The following MICAL2 variants were observed in gnomAD, a reference collection of about 807,000 sequenced individuals.
MICAL2 encodes the protein [F-actin]-monooxygenase MICAL2.
Under a neutral mutation model 127.3 loss-of-function variants are expected in MICAL2, and 77 were observed. The observed-to-expected ratio is 0.60, with a 90% CI of 0.50 to 0.73. The LOEUF is 0.73. Ranked by LOEUF, MICAL2 falls within the 30% of genes least tolerant of loss-of-function variation. MICAL2 has a pLI of 0.00. For missense variants in MICAL2, 1,351 were observed against 1,434.4 expected, an observed-to-expected ratio of 0.94 and a Z score of 0.94; for synonymous variants, 570 against 551.1, an observed-to-expected ratio of 1.03 and a Z score of -0.48.
At chr11:12,124,578 C>T (rs564712848) in intron 1 of MICAL2, among the ~76,000 whole-genome samples, 26 of 152,212 alleles carry the variant, frequency 1.7e-4, no homozygotes, top group Non-Finnish European at 2.2e-4. Context: ...CATCTGTGAA[C>T]GTTTTCCGTG....
rs71313462 is a variant in MICAL2 at position 12,175,585 on chromosome 11, C to CTG, written c.264+13184_264+13185dup. On this transcript the variant is annotated intron_variant, in intron 3 of 27. Transcript: ENST00000683283. ...GACAATAAACAAATGTGTGGGGAGTCTGTGTGTGTGTGTGTGTGTATGTCA... is the reference window on the plus strand; with the variant it reads ...GACAATAAACAAATGTGTGGGGAGTCTGTGTGTGTGTGTGTGTGTGTATGTCA... 6.2e-3 allele frequency among the ~76,000 whole-genome samples: 928 copies of CTG among 149,876 alleles called. 7 individuals carry two copies. The highest frequency in any genetic ancestry group is 0.018 in the African/African-American group (718 of 40,828).
chr11:12,196,963 A>G (rs747880084), intron 3 of MICAL2, among the ~76,000 whole-genome samples: 38 of 152,106 alleles, frequency 2.5e-4, no homozygotes, highest in Non-Finnish European at 2.4e-4. Context: ...TTCATGGTCT[A>G]TCTCCTGGAG....
At chr11:12,169,119 C>T (rs1855928324) in intron 3 of MICAL2, among the ~76,000 whole-genome samples, 2 of 151,964 alleles carry the variant, frequency 1.3e-5, no homozygotes, top group African/African-American at 4.8e-5. Context: ...GAGGCAAGTA[C>T]TCTCCCATTT....
chr11:12,163,551 A>G (rs964393346), intron 3 of MICAL2: 3 of 152,426 alleles, frequency 2.0e-5, no homozygotes, highest in Admixed American at 6.5e-5. Flanking sequence ...CCTGGGGCAC[A>G]CTGACACTGC....
chr11:12,356,238 C>A (rs572393017), intron 34 of MICAL2, among the ~76,000 whole-genome samples: 1 of 152,302 alleles, frequency 6.6e-6, no homozygotes, highest in South Asian at 2.1e-4. Context: ...TGTACCTGAG[C>A]TCATCTTCTG....
At chr11:12,199,106 G>T (rs7131656) in intron 3 of MICAL2, among the ~76,000 whole-genome samples, 44,937 of 152,114 alleles carry the variant, frequency 0.3, 8,171 homozygotes, top group Non-Finnish European at 0.41. Context: ...CAGCTTATTT[G>T]TTATGTGACT....
chr11:12,252,956 C>A (rs959445824), intron 22 of MICAL2: 1 of 152,186 alleles, frequency 6.6e-6, no homozygotes, highest in African/African-American at 2.4e-5. Context: ...CTGGGGAGGA[C>A]CTAGAGCTTC....
At chr11:12,139,760 A>G (rs930819589) in intron 2 of MICAL2, among the ~76,000 whole-genome samples, 3 of 152,224 alleles carry the variant, frequency 2.0e-5, no homozygotes, top group Admixed American at 6.5e-5. Flanking sequence ...TTGTCCACAG[A>G]GGAGGGTCAG....
At chr11:12,232,340 A>T (rs1228715462) in intron 15 of MICAL2, among the ~76,000 whole-genome samples, 2 of 152,204 alleles carry the variant, frequency 1.3e-5, no homozygotes, top group East Asian at 3.9e-4. Flanking sequence ...CAGTTTTTAG[A>T]TGAGGAAACT....
intron 1 of MICAL2, among the ~76,000 whole-genome samples, chr11:12,128,593 C>A (rs1198496289): frequency 1.3e-5 from 2 of 152,218 alleles, no homozygotes; most frequent in East Asian, 3.8e-4. Context: ...ATTTCCAGGA[C>A]AGATCGGGGC....
chr11:12,143,538 C>T (rs559792594), intron 2 of MICAL2, among the ~76,000 whole-genome samples: 25 of 152,042 alleles, frequency 1.6e-4, no homozygotes, highest in Admixed American at 5.9e-4. Context: ...AGTTTGTGTC[C>T]GTTTTCTGCA....
At position 12,228,460 on chromosome 11, in the gene MICAL2, G is replaced by A. The variant is rs116424733; in HGVS notation, c.1995+1329G>A. 6.2e-3 allele frequency among the ~76,000 whole-genome samples: 940 copies of A among 152,280 alleles called. 4 individuals are homozygous for A. Among genetic ancestry groups the A allele is most frequent in the African/African-American group, 0.022 (896 of 41,546 alleles). ...CACTAATTAATCAACTCATTGAAAG[G>A]CATTTGTTGTGTATCCAGTTATAGG... On this transcript the variant is annotated intron_variant, in intron 15 of 27. Coordinates refer to ENST00000683283, the MANE Select transcript of MICAL2 (RefSeq NM_001282663.2).
Position 12,261,325 on chromosome 11 carries a change from C to T in MICAL2, c.3335-1155C>T, listed in dbSNP as rs529265644. ...CAGGGGAAGCTCTACCATATCTTGA[C>T]TGGCAGGGAAGGCTGGGAGTGGAAG... On this transcript the variant is annotated intron_variant, in intron 26 of 27. Transcript: ENST00000683283. The T allele has an allele frequency of 1.0e-5, 10 of 985,548 alleles. No homozygotes were observed. The African/African-American group carries it at 1.6e-4, about 15-fold the overall frequency. The allele number at this position is 985,548 out of a possible 1,614,324, so 61.1% of individuals were successfully genotyped here. A position where few individuals can be genotyped will look rare whatever the true frequency, so the allele number is the denominator to read the frequency against.
chr11:12,272,244 C>T (rs1863682568), upstream of MICAL2, among the ~76,000 whole-genome samples: 3 of 152,200 alleles, frequency 2.0e-5, no homozygotes, highest in Admixed American at 1.3e-4. Flanking sequence ...CCTGCTAGGC[C>T]ACCCTGGACT....
chr11:12,341,768 G>C (rs1178222588), intron 32 of MICAL2, among the ~76,000 whole-genome samples: 1 of 152,062 alleles, frequency 6.6e-6, no homozygotes, highest in Non-Finnish European at 1.5e-5. Flanking sequence ...TGGAGTTTGT[G>C]GTGGGCCAAA....
At chr11:12,333,056 T>C (rs1031405979) in intron 32 of MICAL2, among the ~76,000 whole-genome samples, 1 of 152,146 alleles carries the variant, frequency 6.6e-6, no homozygotes, top group Non-Finnish European at 1.5e-5. Context: ...AAGCCAAATA[T>C]TGAACAAACG....
intron 2 of MICAL2, among the ~76,000 whole-genome samples, chr11:12,150,111 C>T (rs1204426231): frequency 1.3e-5 from 2 of 152,174 alleles, no homozygotes; most frequent in East Asian, 1.9e-4. Context: ...CTGGACTATT[C>T]ATTTGGAAAC....
At chr11:12,353,695 A>T (rs1939088275) in intron 33 of MICAL2, among the ~76,000 whole-genome samples, 1 of 151,784 alleles carries the variant, frequency 6.6e-6, no homozygotes, top group Non-Finnish European at 1.5e-5. Context: ...CTGAGGACTC[A>T]CCTCATTTCT....
At chr11:12,172,001 A>G (rs1261859777) in intron 3 of MICAL2, among the ~76,000 whole-genome samples, 1 of 152,176 alleles carries the variant, frequency 6.6e-6, no homozygotes, top group Non-Finnish European at 1.5e-5. Context: ...AGCTCATCTC[A>G]GTTAAGTCTA....
Sources: gnomAD v4.1 joint callset for allele counts (sites outside exome capture counted in the v4.1 genomes callset) on GRCh38, gnomAD v4.1.1 for gene constraint, MANE v1.5 for transcripts, NCBI Gene and HGNC (gene_info 2026-07-23, HGNC 2026-07-21) for gene names.